The following SPAG9 variants were observed in gnomAD, a reference collection of about 807,000 sequenced individuals.
SPAG9 encodes sperm associated antigen 9, also known as C-Jun-amino-terminal kinase-interacting protein 4.
A neutral mutation model predicts 166.5 loss-of-function variants in SPAG9; 35 were observed. That is an observed-to-expected ratio of 0.21 (90% CI 0.16 to 0.28). SPAG9 has a LOEUF of 0.28. SPAG9 is among the 10% of genes least tolerant of loss of function. The probability of loss-of-function intolerance (pLI) is 1.00; values close to 1 mark genes in which losing one functional copy is unlikely to be tolerated. For synonymous variants in SPAG9, 534 were observed against 565.5 expected (o/e 0.94, Z 0.79); for missense variants, 1,235 against 1,603.3 (o/e 0.77, Z 3.92).
At chr17:50,996,428 C>T in intron 16 of SPAG9, 137 bp downstream of exon 16, 1 of 934,396 alleles carries the variant, frequency 1.1e-6, no homozygotes, top group Non-Finnish European at 1.6e-6. Context: ...CACCACCCTC[C>T]ATGCTTAAAT....
Position 50,995,470 on chromosome 17 carries a change from G to C in SPAG9, c.2032C>G (p.Leu678Val). The C allele has an allele frequency of 6.2e-7, 1 of 1,609,376 alleles. No homozygotes were observed. Among genetic ancestry groups the C allele is most frequent in the Non-Finnish European group, 8.5e-7 (1 of 1,176,114 alleles). The change falls in exon 17 of 30, where the codon CTG becomes GTG. Residue 678 changes from leucine to valine, a missense_variant. Transcript: ENST00000262013. ...TTCATTGATGTATCTTTTTCATCCA[G>C]AGGTCTGAGATAGACAGGCACAGGT... Reference protein sequence around the residue: ...NLPVPVYLRPLDEKDTSMKLW... With the variant: ...NLPVPVYLRPVDEKDTSMKLW...
intron 6 of SPAG9, among the ~76,000 whole-genome samples, chr17:51,022,226 C>A (rs2045968028): frequency 6.6e-6 from 1 of 151,754 alleles, no homozygotes; most frequent in South Asian, 2.1e-4. Context: ...CAACAAGACC[C>A]TGTCTCTTTG....
intron 24 of SPAG9, among the ~76,000 whole-genome samples, chr17:50,983,225 T>C (rs1398016667): frequency 3.9e-5 from 6 of 152,194 alleles, no homozygotes; most frequent in Admixed American, 3.9e-4. Flanking sequence ...CACCTTTAAT[T>C]GAAAAATATT....
At chr17:51,045,652 C>T (rs1729975111) in intron 4 of SPAG9, among the ~76,000 whole-genome samples, 1 of 151,826 alleles carries the variant, frequency 6.6e-6, no homozygotes, top group Admixed American at 6.6e-5. Context: ...CATTTAAAAC[C>T]ATGCACAAAG....
intron 5 of SPAG9, among the ~76,000 whole-genome samples, chr17:51,037,685 A>ATATATATATATAGTGTGTGTGTGT: frequency 3.6e-5 from 3 of 83,490 alleles, no homozygotes; most frequent in African/African-American, 1.2e-4. Context: ...ATATATATAT[A>ATATATATATATAGTGTGTGTGTGT]GTGTGTGTGT....
intron 6 of SPAG9, among the ~76,000 whole-genome samples, chr17:51,027,216 G>C (rs537395729): frequency 6.6e-6 from 1 of 152,168 alleles, no homozygotes; most frequent in East Asian, 1.9e-4. Flanking sequence ...TGGATCACTT[G>C]AGGTCAGAAG....
At chr17:51,003,434 T>C (rs912909205) in intron 12 of SPAG9, among the ~76,000 whole-genome samples, 3 of 152,168 alleles carry the variant, frequency 2.0e-5, no homozygotes, top group African/African-American at 7.2e-5. Context: ...GTTCCATTTA[T>C]CTCAAATTAC....
intron 1 of SPAG9, among the ~76,000 whole-genome samples, chr17:51,086,635 G>A (rs1256114581): frequency 1.3e-5 from 2 of 150,798 alleles, no homozygotes; most frequent in Non-Finnish European, 3.0e-5. Flanking sequence ...CCTGGGCAAT[G>A]GAGCAAGACT....
chr17:51,033,488 T>C (rs561539933), intron 5 of SPAG9, among the ~76,000 whole-genome samples: 9 of 152,328 alleles, frequency 5.9e-5, no homozygotes, highest in African/African-American at 1.9e-4. Flanking sequence ...TACTCCACAT[T>C]CTTCAGTATT....
chr17:50,993,726 T>C lies in SPAG9; in HGVS notation c.2398+38A>G, dbSNP rs375116958. 4.4e-5 allele frequency: 71 copies of C among 1,600,206 alleles called. No homozygotes were observed. The African/African-American group carries it at 9.1e-4, about 21-fold the overall frequency. On this transcript the variant is annotated intron_variant, in intron 19 of 29. Coordinates refer to ENST00000262013, the MANE Select transcript of SPAG9 (RefSeq NM_001130528.3). ...CATCAGTGCCCAGCAGGTAGGTGGATGGAGGGGAGGGCAGAGAAACGCATG... is the reference window on the plus strand; with the variant it reads ...CATCAGTGCCCAGCAGGTAGGTGGACGGAGGGGAGGGCAGAGAAACGCATG...
intron 4 of SPAG9, chr17:51,047,064 G>A (rs774210458): frequency 2.6e-5 from 10 of 386,798 alleles, no homozygotes; most frequent in Middle Eastern, 1.3e-3. Context: ...CCAATTACAC[G>A]GGAGAAATAA....
In SPAG9 at chr17:51,047,357, A is replaced by G; in HGVS notation, c.590+18T>C. 7.3e-7 allele frequency: 1 copy of G among 1,375,426 alleles called. No homozygotes were observed. The highest frequency in any genetic ancestry group is 1.3e-5 in the South Asian group (1 of 79,350). The allele number at this position is 1,375,426 out of a possible 1,614,324, so 85.2% of individuals were successfully genotyped here. A position where few individuals can be genotyped will look rare whatever the true frequency, so the allele number is the denominator to read the frequency against. On this transcript the variant is annotated intron_variant, in intron 4 of 29. Transcript: ENST00000262013. ...TTATTTTACTTTTTCTCAAGGCAAA[A>G]TATATAACAAAGCTTACCTAATTCT...
intron 1 of SPAG9, among the ~76,000 whole-genome samples, chr17:51,109,154 G>A (rs1344253837): frequency 1.3e-5 from 2 of 151,928 alleles, no homozygotes; most frequent in Non-Finnish European, 2.9e-5. Context: ...GAGCCACCAC[G>A]CCTGGCCAAT....
At chr17:51,040,511 T>C (rs1428946885) in intron 5 of SPAG9, 1 of 152,160 alleles carries the variant, frequency 6.6e-6, no homozygotes, top group Non-Finnish European at 1.5e-5. Context: ...ACTTATATTG[T>C]CCCCAAAGAT....
In SPAG9 at chr17:50,998,490, G is replaced by T; in HGVS notation, c.1792C>A (p.Gln598Lys). ...SVKKRSSTLS[Q>K]LPGDKSKAFD... The stretch of plus-strand genomic sequence containing the variant: ...GCTTTGGACTTATCCCCAGGGAGCT[G>T]AGATAAGGTGCTGCTTCTTTTCTTG... Residue 598 changes from glutamine to lysine, a missense_variant, in exon 15 of 30, where the codon CAG (glutamine) becomes AAG (lysine). This residue lies in a region of SPAG9 where 493 missense variants were observed against 559.4 expected (regional missense o/e 0.88). Transcript: ENST00000262013. 6.2e-7 allele frequency: 1 copy of T among 1,614,182 alleles called. No individual in the cohort carries two copies. Among genetic ancestry groups the T allele is most frequent in the Non-Finnish European group, 8.5e-7 (1 of 1,180,012 alleles).
intron 4 of SPAG9, among the ~76,000 whole-genome samples, chr17:51,044,104 C>T (rs1365023006): frequency 6.6e-6 from 1 of 152,102 alleles, no homozygotes; most frequent in African/African-American, 2.4e-5. Flanking sequence ...TACAATGTTC[C>T]AACTCTGAAA....
At chr17:51,101,699 C>T (rs1159833850) in intron 1 of SPAG9, among the ~76,000 whole-genome samples, 1 of 152,052 alleles carries the variant, frequency 6.6e-6, no homozygotes, top group Non-Finnish European at 1.5e-5. Flanking sequence ...CCTCAGCTCA[C>T]TGCAATCTCC....
chr17:51,037,685 AGTGTGTGTGTGTGTG>A (rs2046663072), intron 5 of SPAG9, among the ~76,000 whole-genome samples: 2 of 83,492 alleles, frequency 2.4e-5, no homozygotes, highest in African/African-American at 3.9e-5. Context: ...ATATATATAT[AGTGTGTGTGTGTGTG>A]TGTGTGTGTG....
chr17:50,990,240 G>C (rs772385607), intron 20 of SPAG9: 78 of 555,878 alleles, frequency 1.4e-4, no homozygotes, highest in Non-Finnish European at 2.3e-4. Flanking sequence ...GTGTTAGCCA[G>C]GATGGTCTTG....
Sources: allele counts gnomAD v4.1 joint callset (sites outside exome capture counted in the v4.1 genomes callset), GRCh38; gene constraint gnomAD v4.1.1; regional missense constraint gnomAD v4.1.1; transcripts MANE v1.5; gene names NCBI Gene and HGNC (gene_info 2026-07-23, HGNC 2026-07-21).